Variants in TRMT6 observed in about 807,000 individuals in gnomAD.
TRMT6 encodes tRNA (adenine(58)-N(1))-methyltransferase non-catalytic subunit TRM6.
A neutral mutation model predicts 59.0 loss-of-function variants in TRMT6; 34 were observed. That is an observed-to-expected ratio of 0.58 (90% CI 0.44 to 0.77). The LOEUF is 0.77. Among genes scored for constraint, TRMT6 ranks in the 30% least tolerant of loss-of-function variants. The probability of loss-of-function intolerance (pLI) is 0.00; values close to 1 mark genes in which losing one functional copy is unlikely to be tolerated. For missense variants in TRMT6, 575 were observed against 604.5 expected (o/e 0.95, Z 0.51); for synonymous variants, 217 against 210.5 (o/e 1.03, Z -0.27).
intron 1 of TRMT6, among the ~76,000 whole-genome samples, chr20:5,947,731 T>C (rs906861405): frequency 8.0e-5 from 12 of 149,222 alleles, no homozygotes; most frequent in Admixed American, 3.3e-4. Context: ...GCACCCCCTA[T>C]CCTCATCCTT....
intron 5 of TRMT6, 114 bp from the exon 6 acceptor site, chr20:5,943,797 T>C (rs1000922968): frequency 5.9e-6 from 9 of 1,534,436 alleles, no homozygotes; most frequent in Non-Finnish European, 7.0e-6. Context: ...GATTATTGAT[T>C]GCTTTGGAGG....
chr20:5,945,854 G>A (rs531531518), intron 2 of TRMT6, among the ~76,000 whole-genome samples: 1 of 152,210 alleles, frequency 6.6e-6, no homozygotes, highest in South Asian at 2.1e-4. Flanking sequence ...CTAAAATTAT[G>A]GGCCCTTACT....
In TRMT6 at chr20:5,937,274, CAA is replaced by C. The variant is rs1247188365; in HGVS notation, c.*1259_*1260del. On this transcript the variant is annotated 3_prime_UTR_variant, in exon 11 of 11. Coordinates refer to ENST00000203001, the MANE Select transcript of TRMT6 (RefSeq NM_015939.5). The stretch of plus-strand genomic sequence containing the variant: ...TTAATAGCAATTAGGATAAAGGACT[CAA>C]AATTGTACTTAGTAATCACATTGGC... 6.6e-6 allele frequency: 1 copy of C among 152,164 alleles called. No individual in the cohort carries two copies. Among genetic ancestry groups the C allele is most frequent in the Non-Finnish European group, 1.5e-5 (1 of 68,038 alleles). The allele number at this position is 152,164 out of a possible 1,614,324, so 9.4% of individuals were successfully genotyped here. A position where few individuals can be genotyped will look rare whatever the true frequency, so the allele number is the denominator to read the frequency against.
Position 5,946,458 on chromosome 20 carries a change from C to A in TRMT6, c.204G>T (p.Val68=). The stretch of plus-strand genomic sequence containing the variant: ...TGGGCTGTAGACTTCCTCCACTGGT[C>A]ACTTCAAATGCAGTTCCATAACTAT... ...IGHSYGTAFE[V]TSGGSLQPKK... is the part of the protein sequence containing the mutation. The change falls in exon 2 of 11, where the codon GTG becomes GTT. Residue 68 remains valine (V), a synonymous_variant. Coordinates refer to ENST00000203001, the MANE Select transcript of TRMT6 (RefSeq NM_015939.5). 1 of 1,614,158 alleles carries A rather than the reference C, an allele frequency of 6.2e-7. No individual in the cohort carries two copies. The highest frequency in any genetic ancestry group is 1.1e-5 in the South Asian group (1 of 91,084).
chr20:5,944,368 C>T (rs962067264), intron 3 of TRMT6, 115 bp from the exon 4 acceptor site: 7 of 585,360 alleles, frequency 1.2e-5, no homozygotes, highest in Non-Finnish European at 2.1e-5. Flanking sequence ...AATCCCTTTT[C>T]CACAGAAGTC....
chr20:5,944,046 A>C lies in TRMT6; in HGVS notation c.459-15T>G, dbSNP rs754650195. The C allele has an allele frequency of 6.4e-7, 1 of 1,552,016 alleles. No homozygotes were observed. Reference sequence around the variant, plus strand: ...TGGCTTCATATCTGGGGGAAGAAAAAACAGAACGCTGATTTAAAAAAATGA... The same window carrying C: ...TGGCTTCATATCTGGGGGAAGAAAACACAGAACGCTGATTTAAAAAAATGA... On this transcript the variant is annotated splice_polypyrimidine_tract_variant and intron_variant, in intron 4 of 10. Transcript: ENST00000203001.
intron 1 of TRMT6, 143 bp from the exon 2 acceptor site, chr20:5,946,676 T>G (rs978313818): frequency 1.3e-6 from 1 of 749,442 alleles, no homozygotes; most frequent in African/African-American, 1.8e-5. Flanking sequence ...ACAAAGGAAC[T>G]AGAGAGAACC....
intron 10 of TRMT6, among the ~76,000 whole-genome samples, chr20:5,940,423 CA>C (rs1359352632): frequency 7.9e-5 from 12 of 152,190 alleles, no homozygotes; most frequent in Admixed American, 2.0e-4. Flanking sequence ...ACATCATCCA[CA>C]GTGATACTGA....
chr20:5,945,498 T>C (rs1433660277), intron 2 of TRMT6, among the ~76,000 whole-genome samples: 2 of 152,258 alleles, frequency 1.3e-5, no homozygotes, highest in Non-Finnish European at 2.9e-5. Context: ...CTTCATAGCA[T>C]GTGTCACTTC....
At chr20:5,941,802 G>C in intron 8 of TRMT6, 149 bp downstream of exon 8, 5 of 683,882 alleles carry the variant, frequency 7.3e-6, no homozygotes, top group Middle Eastern at 2.5e-4. Context: ...GCCAGCCTCA[G>C]CCTCCTTTCT....
chr20:5,942,041 A>G lies in TRMT6; in HGVS notation c.1027-5T>C, dbSNP rs761983557. 8 of 1,610,456 alleles carry G rather than the reference A, an allele frequency of 5.0e-6. No individual in the cohort carries two copies. In the Admixed American group the frequency reaches 8.3e-5, roughly 17 times the overall value. On this transcript the variant is annotated splice_polypyrimidine_tract_variant and splice_region_variant and intron_variant, in intron 7 of 10. Transcript: ENST00000203001. ...TCTCCTCTGTTTTTCCTGAATCTTCAAAAAGAAAAATAAGAAATCAATGTA... is the reference window on the plus strand; with the variant it reads ...TCTCCTCTGTTTTTCCTGAATCTTCGAAAAGAAAAATAAGAAATCAATGTA...
chr20:5,940,139 C>T (rs1324384319), intron 10 of TRMT6, among the ~76,000 whole-genome samples: 1 of 152,218 alleles, frequency 6.6e-6, no homozygotes, highest in Admixed American at 6.5e-5. Flanking sequence ...CAGAGCAGCA[C>T]TGCAGGCTCT....
At chr20:5,945,114 A>G (rs2088694560) in intron 2 of TRMT6, among the ~76,000 whole-genome samples, 200 bp from the exon 3 acceptor site, 1 of 152,046 alleles carries the variant, frequency 6.6e-6, no homozygotes, top group African/African-American at 2.4e-5. Context: ...TTGCCCCCCT[A>G]CTATCCACCT....
Position 5,944,689 on chromosome 20 carries a change from T to C in TRMT6, c.366+116A>G, listed in dbSNP as rs2088689876. On this transcript the variant is annotated intron_variant, in intron 3 of 10. Transcript: ENST00000203001. The stretch of plus-strand genomic sequence containing the variant: ...ACATGTACATTTCAACCTATTTCTA[T>C]CAAAGCTATAACGTTATTTTTTTGT... 4 of 671,138 alleles carry C rather than the reference T, an allele frequency of 6.0e-6. No individual in the cohort carries two copies. In the East Asian group the frequency reaches 7.9e-5, roughly 13 times the overall value. 41.6% of individuals were successfully genotyped at this position (671,138 alleles called of 1,614,324 possible).
chr20:5,941,017 A>G (rs1486332896), intron 10 of TRMT6, 36 bp downstream of exon 10: 2 of 1,511,266 alleles, frequency 1.3e-6, no homozygotes, highest in Non-Finnish European at 1.8e-6. Flanking sequence ...AAGTCTCGGG[A>G]GGGCAGCTCT....
At position 5,950,311 on chromosome 20, in the gene TRMT6, T is replaced by C; in HGVS notation, c.95A>G (p.Asp32Gly). The stretch of plus-strand genomic sequence containing the variant: ...CTGGACTTGTACTGCTTTAAACACA[T>C]CTTCACGTTTCAGCACCACGAAGTC... ...DGDFVVLKRE[D>G]VFKAVQVQRR... The change falls in exon 1 of 11, where the codon GAT becomes GGT. Residue 32 changes from aspartate (D) to glycine (G), a missense_variant. Physicochemically the swap from Asp to Gly is moderately conservative, Grantham distance 94. Transcript: ENST00000203001. 6.2e-7 allele frequency: 1 copy of C among 1,613,804 alleles called. No homozygotes were observed. The highest frequency in any genetic ancestry group is 8.5e-7 in the Non-Finnish European group (1 of 1,179,922).
rs1471275082 is a variant in TRMT6 at position 5,938,574 on chromosome 20, A to C, written c.1455T>G (p.Pro485=). 6.2e-7 allele frequency: 1 copy of C among 1,614,024 alleles called. No individual in the cohort carries two copies. Among genetic ancestry groups the C allele is most frequent in the East Asian group, 2.2e-5 (1 of 44,894 alleles). ...STLESHETEE[P]AAKKRKCPES... ...CTGGGCATTTTCGTTTTTTAGCTGC[A>C]GGCTCCTCAGTCTCGTGTGATTCTA... Residue 485 remains proline, a synonymous_variant, in exon 11 of 11, where the codon CCT becomes CCG. Coordinates refer to ENST00000203001, the MANE Select transcript of TRMT6 (RefSeq NM_015939.5).
chr20:5,938,619 G>A lies in TRMT6; in HGVS notation c.1410C>T (p.Leu470=). 6.2e-7 allele frequency: 1 copy of A among 1,614,214 alleles called. No individual in the cohort carries two copies. The highest frequency in any genetic ancestry group is 1.1e-5 in the South Asian group (1 of 91,082). Reference sequence around the variant, plus strand: ...ATTCTAAAGTGCTTGCATTAGATTTGAGGCTGGTGTCTGCTTTAAGGTTGT... The same window carrying A: ...ATTCTAAAGTGCTTGCATTAGATTTAAGGCTGGTGTCTGCTTTAAGGTTGT... ...AMDNLKADTS[L]KSNASTLESH... is the part of the protein sequence containing the mutation. Residue 470 remains leucine, a synonymous_variant, in exon 11 of 11, where the codon CTC becomes CTT. Transcript: ENST00000203001.
rs779665645 is a variant in TRMT6 at position 5,944,028 on chromosome 20, A to G, written c.462T>C (p.Tyr154=). 1.4e-5 allele frequency: 22 copies of G among 1,580,982 alleles called. No individual in the cohort carries two copies. The highest frequency in any genetic ancestry group is 1.8e-5 in the Non-Finnish European group (21 of 1,164,794). The change falls in exon 5 of 11, where the codon TAT becomes TAC. Residue 154 remains tyrosine, a synonymous_variant. Coordinates refer to ENST00000203001, the MANE Select transcript of TRMT6 (RefSeq NM_015939.5). The part of the protein sequence containing the change: ...DKYIKKKKKK[Y]EAIITVVKPS... Reference sequence around the variant, plus strand: ...GCTTCACAACAGTAATGATGGCTTCATATCTGGGGGAAGAAAAAACAGAAC... The same window carrying G: ...GCTTCACAACAGTAATGATGGCTTCGTATCTGGGGGAAGAAAAAACAGAAC...
Sources: gnomAD v4.1 joint callset for allele counts (sites outside exome capture counted in the v4.1 genomes callset) on GRCh38, gnomAD v4.1.1 for gene constraint, MANE v1.5 for transcripts, NCBI Gene and HGNC (gene_info 2026-07-23, HGNC 2026-07-21) for gene names.